Variants in RNF216 observed in about 807,000 individuals in gnomAD.
RNF216 encodes the protein E3 ubiquitin-protein ligase RNF216.
In RNF216, 72 loss-of-function variants were observed where a neutral mutation model predicts 110.8. The ratio of observed to expected loss-of-function variants is 0.65; its 90% CI spans 0.54 to 0.79. The LOEUF is 0.79. Ranked by LOEUF, RNF216 falls within the 30% of genes least tolerant of loss-of-function variation. The probability of loss-of-function intolerance (pLI) is 0.00; values close to 1 mark genes in which losing one functional copy is unlikely to be tolerated. For missense variants in RNF216, 1,342 were observed against 1,141.2 expected, an observed-to-expected ratio of 1.18 and a Z score of -2.54; for synonymous variants, 495 against 407.5, an observed-to-expected ratio of 1.21 and a Z score of -2.59.
intron 14 of RNF216, among the ~76,000 whole-genome samples, chr7:5,644,552 C>T (rs964019249): frequency 5.9e-5 from 9 of 151,808 alleles, no homozygotes; most frequent in African/African-American, 1.9e-4. Flanking sequence ...GTCATCCAGG[C>T]TGGAGTGCAG....
At chr7:5,636,253 C>T (rs1021161242) in intron 15 of RNF216, among the ~76,000 whole-genome samples, 3 of 152,202 alleles carry the variant, frequency 2.0e-5, no homozygotes, top group Non-Finnish European at 4.4e-5. Flanking sequence ...ACTCTGCTCC[C>T]TAATCCAGAA....
In RNF216 at chr7:5,654,681, C is replaced by T. The variant is rs999059965; in HGVS notation, c.2062-2171G>A. Among the ~76,000 whole-genome samples the T allele has an allele frequency of 7.1e-5, 8 of 112,676 alleles. No homozygotes were observed. In the East Asian group the frequency reaches 1.0e-3, roughly 14 times the overall value. 73.9% of individuals were successfully genotyped at this position (112,676 alleles called of 152,430 possible). A position where few individuals can be genotyped will look rare whatever the true frequency, so the allele number is the denominator to read the frequency against. ...TAGCCTGGGAAATACAGCCAGACTCCGCCTCAAAAAAAAAAAAAAAAAAAA... is the reference window on the plus strand; with the variant it reads ...TAGCCTGGGAAATACAGCCAGACTCTGCCTCAAAAAAAAAAAAAAAAAAAA... On this transcript the variant is annotated intron_variant, in intron 13 of 16. Transcript: ENST00000389902.
intron 13 of RNF216, among the ~76,000 whole-genome samples, chr7:5,653,139 T>A (rs1788499510): frequency 6.8e-6 from 1 of 146,858 alleles, no homozygotes; most frequent in South Asian, 2.1e-4. Context: ...AGGGAGACTT[T>A]CCTCCGTTGC....
intron 13 of RNF216, among the ~76,000 whole-genome samples, chr7:5,705,292 G>C (rs1792211533): frequency 6.6e-6 from 1 of 152,182 alleles, no homozygotes; most frequent in Non-Finnish European, 1.5e-5. Context: ...AATCTCTCCT[G>C]AATCTTTTGG....
chr7:5,640,962 C>T (rs13246406), intron 15 of RNF216, among the ~76,000 whole-genome samples, 192 bp downstream of exon 15: 61,141 of 152,136 alleles, frequency 0.4, 13,793 homozygotes, highest in East Asian at 0.78. Flanking sequence ...ACTGTTAGGG[C>T]ATGCTGCTTT....
chr7:5,730,749 C>T lies in RNF216; in HGVS notation c.1190G>A (p.Ser397Asn), dbSNP rs765069396. 3 of 1,611,052 alleles carry T rather than the reference C, an allele frequency of 1.9e-6. No homozygotes were observed. The highest frequency in any genetic ancestry group is 1.1e-5 in the South Asian group (1 of 90,900). Residue 397 changes from serine to asparagine, a missense_variant, in exon 6 of 17, where the codon AGT (serine) becomes AAT (asparagine). Transcript: ENST00000389902. ...ATCTTGGCTGGCCAGCAGACTGCTA[C>T]TGGGATTTATAATGATTCTGTCTTC... ...KREDRIIINP[S>N]SSLLASQDET...
chr7:5,711,116 T>C (rs1792658379), intron 13 of RNF216, among the ~76,000 whole-genome samples: 1 of 152,226 alleles, frequency 6.6e-6, no homozygotes, highest in African/African-American at 2.4e-5. Flanking sequence ...CGTATTTGTC[T>C]AGGTGGATGC....
At chr7:5,631,972 C>T (rs77434248) in intron 15 of RNF216, among the ~76,000 whole-genome samples, 22 of 152,330 alleles carry the variant, frequency 1.4e-4, no homozygotes, top group African/African-American at 5.1e-4. Context: ...CATAAGAGGA[C>T]CCTGAGGCTC....
chr7:5,714,673 G>C (rs1792928076), intron 11 of RNF216, among the ~76,000 whole-genome samples: 1 of 152,232 alleles, frequency 6.6e-6, no homozygotes, highest in Admixed American at 6.5e-5. Context: ...CTGGTGTCCA[G>C]AGAAACTCAC....
At chr7:5,751,514 T>C (rs867970771) in intron 3 of RNF216, among the ~76,000 whole-genome samples, 1 of 152,132 alleles carries the variant, frequency 6.6e-6, no homozygotes, top group Admixed American at 6.5e-5. Flanking sequence ...GAACAACCAG[T>C]TTCTTAAACA....
intron 5 of RNF216, among the ~76,000 whole-genome samples, chr7:5,736,785 G>C (rs1794438592): frequency 6.6e-6 from 1 of 151,360 alleles, no homozygotes; most frequent in Non-Finnish European, 1.5e-5. Flanking sequence ...CCATCTGGGA[G>C]GTGAGCAGCG....
At chr7:5,707,671 C>T (rs142522400) in intron 13 of RNF216, among the ~76,000 whole-genome samples, 1 of 148,120 alleles carries the variant, frequency 6.8e-6, no homozygotes, top group African/African-American at 2.5e-5. Context: ...ATATCCTTGC[C>T]TTGTTCCTGA....
intron 9 of RNF216, among the ~76,000 whole-genome samples, chr7:5,718,285 G>A (rs1178781495): frequency 6.6e-6 from 1 of 152,078 alleles, no homozygotes; most frequent in African/African-American, 2.4e-5. Context: ...GGTGGCTGAG[G>A]CAGGAGAAGC....
At chr7:5,658,300 A>G (rs964450114) in intron 13 of RNF216, among the ~76,000 whole-genome samples, 2 of 152,216 alleles carry the variant, frequency 1.3e-5, no homozygotes, top group Non-Finnish European at 2.9e-5. Context: ...AAACATTCCA[A>G]CAATGAAACA....
chr7:5,707,645 G>A lies in RNF216; in HGVS notation c.2061+4116C>T, dbSNP rs570138676. ...TAGGGCTTCCAGTGTTATATAGCAT[G>A]GAAGTGGTGACAGTGATATCCTTGC... On this transcript the variant is annotated intron_variant, in intron 13 of 16. Transcript: ENST00000389902. Among the ~76,000 whole-genome samples the A allele has an allele frequency of 3.3e-5, 5 of 151,688 alleles. No individual in the cohort carries two copies. The South Asian group carries it at 8.3e-4, about 25-fold the overall frequency.
intron 13 of RNF216, among the ~76,000 whole-genome samples, chr7:5,667,340 T>G (rs777615094): frequency 9.2e-5 from 14 of 152,254 alleles, no homozygotes; most frequent in Non-Finnish European, 1.8e-4. Context: ...TTAAAAGCCA[T>G]TAATTTAGAA....
At chr7:5,641,649 G>A (rs889649741) in intron 14 of RNF216, among the ~76,000 whole-genome samples, 2 of 152,080 alleles carry the variant, frequency 1.3e-5, no homozygotes, top group African/African-American at 4.8e-5. Flanking sequence ...GAGAATTACA[G>A]ACAAAATATA....
chr7:5,638,382 T>G (rs751254832), intron 15 of RNF216, among the ~76,000 whole-genome samples: 1 of 152,214 alleles, frequency 6.6e-6, no homozygotes, highest in Non-Finnish European at 1.5e-5. Flanking sequence ...CAGAACTTTG[T>G]GAACTTGTCC....
intron 12 of RNF216, among the ~76,000 whole-genome samples, chr7:5,712,472 C>CA (rs777046723): frequency 0.061 from 6,672 of 109,296 alleles, 165 homozygotes; most frequent in Middle Eastern, 0.085. Context: ...GAATCCACCT[C>CA]AAAAAAAAAA....
Sources: gnomAD v4.1 joint callset for allele counts (sites outside exome capture counted in the v4.1 genomes callset) on GRCh38, gnomAD v4.1.1 for gene constraint, MANE v1.5 for transcripts, NCBI Gene and HGNC (gene_info 2026-07-23, HGNC 2026-07-21) for gene names.